Variants in ANP32E observed in about 807,000 individuals in gnomAD.
ANP32E encodes acidic nuclear phosphoprotein 32 family member E.
In ANP32E, 14 loss-of-function variants were observed where a neutral mutation model predicts 35.3. That is an observed-to-expected ratio of 0.40 (90% CI 0.26 to 0.62). The LOEUF is 0.62. ANP32E is among the 20% of genes least tolerant of loss of function. The pLI is 0.45. For missense variants in ANP32E, 198 were observed against 304.4 expected (o/e 0.65, Z 2.60); for synonymous variants, 89 against 110.4 (o/e 0.81, Z 1.22).
chr1:150,221,328 A>T (rs1345731750), intron 6 of ANP32E, among the ~76,000 whole-genome samples: 1 of 149,808 alleles, frequency 6.7e-6, no homozygotes, highest in Non-Finnish European at 1.5e-5. Context: ...AGTCCCAGCC[A>T]CCTGGGAGGC....
At chr1:150,231,727 A>G (rs782703593) in intron 2 of ANP32E, 50 bp downstream of exon 2, 31 of 1,573,094 alleles carry the variant, frequency 2.0e-5, no homozygotes, top group African/African-American at 4.1e-5. Flanking sequence ...AACACTAGAC[A>G]TATAGCCGTG....
chr1:150,236,108 A>G lies in ANP32E; in HGVS notation c.-322T>C. ...TCCTTCCCCTTCAATGGCTGCTCAG[A>G]GACTGAGCCTCCATGACACGGCACC... On this transcript the variant is annotated 5_prime_UTR_variant, in exon 1 of 7. Transcript: ENST00000583931. 3.7e-6 allele frequency: 1 copy of G among 271,458 alleles called. No individual in the cohort carries two copies. Among genetic ancestry groups the G allele is most frequent in the Non-Finnish European group, 7.1e-6 (1 of 140,746 alleles). The allele number at this position is 271,458 out of a possible 1,614,324, so 16.8% of individuals were successfully genotyped here. A position where few individuals can be genotyped will look rare whatever the true frequency, so the allele number is the denominator to read the frequency against.
At chr1:150,226,822 A>C in intron 4 of ANP32E, 27 bp from the exon 5 acceptor site, 1 of 1,585,920 alleles carries the variant, frequency 6.3e-7, no homozygotes, top group East Asian at 2.3e-5. Flanking sequence ...AAAGATGAGT[A>C]AATGACTGGG....
At chr1:150,228,172 G>C (rs1029729406) in intron 4 of ANP32E, among the ~76,000 whole-genome samples, 1 of 151,580 alleles carries the variant, frequency 6.6e-6, no homozygotes, top group Non-Finnish European at 1.5e-5. Context: ...GCAGTGACAC[G>C]ATCTCAGCTC....
Position 150,219,528 on chromosome 1 carries a change from G to T in ANP32E, c.*1163C>A, listed in dbSNP as rs1648177126. On this transcript the variant is annotated 3_prime_UTR_variant, in exon 7 of 7. Transcript: ENST00000583931. The stretch of plus-strand genomic sequence containing the variant: ...AAGGTTAGAAATACTTTGCAGAGTG[G>T]TATCCAAATCATTTGAGAGGCCAAC... 6.6e-6 allele frequency: 1 copy of T among 152,084 alleles called. No individual in the cohort carries two copies. The highest frequency in any genetic ancestry group is 2.1e-4 in the South Asian group (1 of 4,820). 9.4% of individuals were successfully genotyped at this position (152,084 alleles called of 1,614,324 possible).
intron 1 of ANP32E, among the ~76,000 whole-genome samples, chr1:150,234,991 A>T (rs1200424789): frequency 6.6e-6 from 1 of 152,222 alleles, no homozygotes; most frequent in African/African-American, 2.4e-5. Flanking sequence ...GATCAAATTC[A>T]GAGTTGCGGC....
chr1:150,230,759 T>TG, intron 2 of ANP32E, 66 bp from the exon 3 acceptor site: 1 of 1,497,340 alleles, frequency 6.7e-7, no homozygotes, highest in Non-Finnish European at 9.0e-7. Flanking sequence ...TTTTTTTTTT[T>TG]GAAATGTAGT....
chr1:150,222,475 G>A (rs1648505712), intron 6 of ANP32E, among the ~76,000 whole-genome samples: 1 of 146,842 alleles, frequency 6.8e-6, no homozygotes, highest in Admixed American at 6.8e-5. Flanking sequence ...AAAAATATTG[G>A]TTGGCCATGG....
rs1243611473 is a variant in ANP32E, at chr1:150,236,077, C to T, written c.-291G>A. 1.7e-5 allele frequency: 6 copies of T among 343,468 alleles called. No homozygotes were observed. Among genetic ancestry groups the T allele is most frequent in the Non-Finnish European group, 2.7e-5 (5 of 185,486 alleles). The allele number at this position is 343,468 out of a possible 1,614,324, so 21.3% of individuals were successfully genotyped here. A position where few individuals can be genotyped will look rare whatever the true frequency, so the allele number is the denominator to read the frequency against. ...ACACACACACATACACACACACACC[C>T]GCAGTTCCTTCCCCTTCAATGGCTG... On this transcript the variant is annotated 5_prime_UTR_variant, in exon 1 of 7. Coordinates refer to ENST00000583931, the MANE Select transcript of ANP32E (RefSeq NM_030920.5).
Position 150,220,714 on chromosome 1 carries a change from C to T in ANP32E, c.784G>A (p.Asp262Asn), listed in dbSNP as rs781837866. The part of the protein sequence containing the change: ...GEKRKRDAED[D>N]GEEEDD ...ATCTAGTCATCTTCTTCCTCTCCAT[C>T]GTCTTCAGCATCTCGTTTCCTCTTC... The change falls in exon 7 of 7, where the codon GAT (aspartate) becomes AAT (asparagine). Residue 262 changes from aspartate to asparagine, a missense_variant. Transcript: ENST00000583931. The T allele has an allele frequency of 3.7e-6, 6 of 1,613,888 alleles. No homozygotes were observed. Among genetic ancestry groups the T allele is most frequent in the Admixed American group, 1.7e-5 (1 of 60,000 alleles).
chr1:150,225,024 T>C (rs1215776548), intron 5 of ANP32E, among the ~76,000 whole-genome samples: 1 of 152,166 alleles, frequency 6.6e-6, no homozygotes, highest in Non-Finnish European at 1.5e-5. Flanking sequence ...ATTTTACAAG[T>C]GTCTGTAGGC....
rs587619725 is a variant in ANP32E at position 150,221,212 on chromosome 1, C to T, written c.737-451G>A. On this transcript the variant is annotated intron_variant, in intron 6 of 6. Coordinates refer to ENST00000583931, the MANE Select transcript of ANP32E (RefSeq NM_030920.5). ...CAATACCTTGGGAGGCCGAGCCAGG[C>T]GGATCACTTAAGGTCAGGAGTTGGA... Among the ~76,000 whole-genome samples, 18 of 149,130 alleles carry T rather than the reference C, an allele frequency of 1.2e-4. No homozygotes were observed. The South Asian group carries it at 3.8e-3, about 32-fold the overall frequency.
chr1:150,221,744 T>G (rs1443295357), intron 6 of ANP32E, among the ~76,000 whole-genome samples: 1 of 152,190 alleles, frequency 6.6e-6, no homozygotes, highest in Non-Finnish European at 1.5e-5. Context: ...GGCCATATCA[T>G]GAAGTACAGA....
rs932917381 is a variant in ANP32E, at chr1:150,229,072, C to T, written c.493G>A (p.Asp165Asn). Residue 165 changes from aspartate to asparagine, a missense_variant and splice_region_variant, in exon 4 of 7, where the codon GAT becomes AAT. Transcript: ENST00000583931. ...APDSEEEDDEDGDEDDEEEEE... is the reference protein window; with the variant it reads ...APDSEEEDDENGDEDDEEEEE... ...ACTTATGAGTATTAAGAACGATTAC[C>T]CTCATCATCCTCCTCTTCAGAGTCC... is the stretch of plus-strand genomic sequence containing the variant. 5 of 1,612,274 alleles carry T rather than the reference C, an allele frequency of 3.1e-6. No homozygotes were observed. Among genetic ancestry groups the T allele is most frequent in the Non-Finnish European group, 4.2e-6 (5 of 1,179,468 alleles).
chr1:150,234,568 A>G, intron 1 of ANP32E: 4 of 985,058 alleles, frequency 4.1e-6, no homozygotes, highest in Non-Finnish European at 4.8e-6. Flanking sequence ...AGCTACAGAC[A>G]ACTCCCTTAC....
chr1:150,220,621 A>G lies in ANP32E; in HGVS notation c.*70T>C. ...TCTTCTGTAGGGATAGCTATCGTAC[A>G]TGAAGAAACAAAGATGTGATCACTC... On this transcript the variant is annotated 3_prime_UTR_variant, in exon 7 of 7. Coordinates refer to ENST00000583931, the MANE Select transcript of ANP32E (RefSeq NM_030920.5). 5 of 1,382,892 alleles carry G rather than the reference A, an allele frequency of 3.6e-6. No homozygotes were observed. The highest frequency in any genetic ancestry group is 5.1e-6 in the Non-Finnish European group (5 of 973,454). 85.7% of individuals were successfully genotyped at this position (1,382,892 alleles called of 1,614,324 possible). A position where few individuals can be genotyped will look rare whatever the true frequency, so the allele number is the denominator to read the frequency against.
At position 150,223,277 on chromosome 1, in the gene ANP32E, TC is replaced by T. The variant is rs201387978; in HGVS notation, c.682-38del. On this transcript the variant is annotated intron_variant, in intron 5 of 6. Coordinates refer to ENST00000583931, the MANE Select transcript of ANP32E (RefSeq NM_030920.5). ...AATATTCAGTTTGAAGATTGAAAAATCCATATGATTTTTCACTCTTTCTTGT... is the reference window on the plus strand; with the variant it reads ...AATATTCAGTTTGAAGATTGAAAAATCATATGATTTTTCACTCTTTCTTGT... The T allele has an allele frequency of 3.8e-3, 5,825 of 1,519,482 alleles. 188 individuals carry two copies. In the African/African-American group the frequency reaches 0.062, roughly 16 times the overall value. The allele number at this position is 1,519,482 out of a possible 1,614,324, so 94.1% of individuals were successfully genotyped here. A position where few individuals can be genotyped will look rare whatever the true frequency, so the allele number is the denominator to read the frequency against.
At position 150,226,683 on chromosome 1, in the gene ANP32E, T is replaced by A; in HGVS notation, c.606A>T (p.Glu202Asp). The A allele has an allele frequency of 1.9e-6, 3 of 1,599,984 alleles. No individual in the cohort carries two copies. Among genetic ancestry groups the A allele is most frequent in the Non-Finnish European group, 2.6e-6 (3 of 1,169,466 alleles). ...EEEDEDEDED[E>D]DEAGSELGEG... ...CTCCCAACTCTGAACCTGCTTCATC[T>A]TCATCTTCATCCTCATCCTCATCCT... is the stretch of plus-strand genomic sequence containing the variant. Residue 202 changes from glutamate to aspartate, a missense_variant, in exon 5 of 7, where the codon GAA becomes GAT. By Grantham distance (45) the Glu-to-Asp change is conservative. This residue lies in a region of ANP32E where 121 missense variants were observed against 137.3 expected (regional missense o/e 0.88). Coordinates refer to ENST00000583931, the MANE Select transcript of ANP32E (RefSeq NM_030920.5).
intron 6 of ANP32E, among the ~76,000 whole-genome samples, chr1:150,222,405 C>A (rs1296393214): frequency 1.5e-5 from 2 of 133,346 alleles, no homozygotes; most frequent in Admixed American, 1.7e-4. Context: ...GGCAACAGAG[C>A]GAGACTCCAT....
Sources: allele counts gnomAD v4.1 joint callset (sites outside exome capture counted in the v4.1 genomes callset), GRCh38; gene constraint gnomAD v4.1.1; regional missense constraint gnomAD v4.1.1; transcripts MANE v1.5; gene names NCBI Gene and HGNC (gene_info 2026-07-23, HGNC 2026-07-21).